Variants in PLA2G4E observed in about 807,000 individuals in gnomAD.
PLA2G4E encodes phospholipase A2 group IVE, also known as cytosolic phospholipase A2 epsilon.
A neutral mutation model predicts 109.1 loss-of-function variants in PLA2G4E; 84 were observed. The ratio of observed to expected loss-of-function variants is 0.77; its 90% confidence interval spans 0.65 to 0.92. The LOEUF is 0.92. PLA2G4E is among the 40% of genes least tolerant of loss of function. PLA2G4E has a pLI of 0.00. For synonymous variants in PLA2G4E, 469 were observed against 436.1 expected, an observed-to-expected ratio of 1.08 and a Z score of -0.94; for missense variants, 1,057 against 1,076.6, an observed-to-expected ratio of 0.98 and a Z score of 0.25.
chr15:41,983,408 C>G, exon 20 of PLA2G4E: 2 of 284,638 alleles, frequency 7.0e-6, no homozygotes, highest in Non-Finnish European at 1.3e-5. Flanking sequence ...GGGCTGCCAG[C>G]CCTGGGCTCT....
Position 42,040,163 on chromosome 15 carries a change from C to T in PLA2G4E, c.183+10358G>A, listed in dbSNP as rs141684881. On this transcript the variant is annotated intron_variant, in intron 1 of 19. Transcript: ENST00000399518. ...CCAGTTTGGGTAACATAGTGAGACC[C>T]CCTCCATCATTCTACAAAACTTTAA... 1.7e-3 allele frequency among the ~76,000 whole-genome samples: 252 copies of T among 151,788 alleles called. 1 individual carries two copies. The highest frequency in any genetic ancestry group is 5.7e-3 in the African/African-American group (237 of 41,320).
At chr15:41,985,935 C>A in exon 18 of PLA2G4E, 1 of 1,606,932 alleles carries the variant, frequency 6.2e-7, no homozygotes, top group Non-Finnish European at 8.5e-7. Flanking sequence ...TGACAAAGAA[C>A]GCAGTGTCCA....
chr15:42,048,838 T>G (rs562616706), intron 1 of PLA2G4E, among the ~76,000 whole-genome samples: 1 of 152,372 alleles, frequency 6.6e-6, no homozygotes, highest in South Asian at 2.1e-4. Flanking sequence ...GCCCGTGCTC[T>G]TCACCACTTG....
intron 1 of PLA2G4E, among the ~76,000 whole-genome samples, chr15:42,031,959 G>C (rs2141071620): frequency 6.6e-6 from 1 of 152,292 alleles, no homozygotes; most frequent in East Asian, 1.9e-4. Flanking sequence ...TGGGTCATGG[G>C]GATGGATTTC....
intron 1 of PLA2G4E, among the ~76,000 whole-genome samples, chr15:42,029,375 C>A (rs1483801449): frequency 6.6e-6 from 1 of 152,226 alleles, no homozygotes; most frequent in Non-Finnish European, 1.5e-5. Context: ...GGATTACAAG[C>A]ATGAGCTACT....
chr15:42,023,741 A>C (rs1458099064), intron 1 of PLA2G4E, among the ~76,000 whole-genome samples: 1 of 152,036 alleles, frequency 6.6e-6, no homozygotes, highest in Non-Finnish European at 1.5e-5. Flanking sequence ...AAGGCCTCCT[A>C]TTTGGCCTCT....
chr15:42,028,519 G>A (rs866549992), intron 1 of PLA2G4E, among the ~76,000 whole-genome samples: 9 of 152,048 alleles, frequency 5.9e-5, no homozygotes, highest in African/African-American at 2.2e-4. Context: ...CAATTTTCCT[G>A]CCTCAGCCTT....
chr15:42,049,111 G>A (rs1194652080), intron 1 of PLA2G4E, among the ~76,000 whole-genome samples: 5 of 152,220 alleles, frequency 3.3e-5, no homozygotes, highest in Admixed American at 6.5e-5. Context: ...AAGGGGAGAA[G>A]CACCTGCTCA....
intron 3 of PLA2G4E, chr15:42,006,361 A>G (rs1044169684): frequency 2.0e-5 from 8 of 408,020 alleles, no homozygotes; most frequent in Admixed American, 7.7e-5. Context: ...CTTTCCTGCT[A>G]GAGAATTTTG....
At chr15:42,013,341 G>T (rs80087064) in intron 2 of PLA2G4E, among the ~76,000 whole-genome samples, 8 of 152,198 alleles carry the variant, frequency 5.3e-5, no homozygotes, top group African/African-American at 1.9e-4. Context: ...TGTGGGCAAA[G>T]CGGGTGCTCT....
At chr15:42,006,271 G>T in intron 3 of PLA2G4E, 150 bp from the exon 4 acceptor site, 1 of 948,042 alleles carries the variant, frequency 1.1e-6, no homozygotes, top group Non-Finnish European at 1.5e-6. Context: ...ACAGACATTT[G>T]TAGGGAAACG....
intron 1 of PLA2G4E, among the ~76,000 whole-genome samples, chr15:42,023,467 G>T (rs1431052827): frequency 6.6e-6 from 1 of 152,112 alleles, no homozygotes; most frequent in South Asian, 2.1e-4. Context: ...AGAAGGCAAG[G>T]ATGATTGATG....
At position 42,007,770 on chromosome 15, in the gene PLA2G4E, AC is replaced by A; in HGVS notation, c.351del (p.Glu117AspfsTer14). The stretch of plus-strand genomic sequence containing the variant: ...ATCTGGAAGTTGAAGCTTTCATTCC[AC>A]TCTGGATTTGGGCAGTTGGAGATGG... On this transcript the variant is annotated frameshift_variant, in exon 3 of 20. Coordinates refer to ENST00000399518, the Ensembl canonical transcript of PLA2G4E. LOFTEE classifies it high-confidence loss of function. 1 of 1,612,594 alleles carries A rather than the reference AC, an allele frequency of 6.2e-7. No individual in the cohort carries two copies. Among genetic ancestry groups the A allele is most frequent in the Non-Finnish European group, 8.5e-7 (1 of 1,179,348 alleles).
chr15:42,002,740 G>A, intron 5 of PLA2G4E, 44 bp from the exon 6 acceptor site: 2 of 1,515,076 alleles, frequency 1.3e-6, no homozygotes, highest in Non-Finnish European at 1.8e-6. Context: ...TAGCATTCTT[G>A]ACTGGTTTCT....
chr15:42,040,402 T>C (rs1470437823), intron 1 of PLA2G4E, among the ~76,000 whole-genome samples: 1 of 152,144 alleles, frequency 6.6e-6, no homozygotes, highest in Non-Finnish European at 1.5e-5. Context: ...TGGGGAAAAA[T>C]AAGCTGGTTC....
intron 2 of PLA2G4E, 88 bp from the exon 3 acceptor site, chr15:42,007,953 C>A: frequency 7.1e-7 from 1 of 1,414,030 alleles, no homozygotes; most frequent in Non-Finnish European, 9.7e-7. Context: ...TCTTCCAGAG[C>A]CAGGCCCCAT....
At chr15:42,015,326 C>T (rs945991651) in intron 1 of PLA2G4E, among the ~76,000 whole-genome samples, 14 of 152,210 alleles carry the variant, frequency 9.2e-5, no homozygotes, top group African/African-American at 3.4e-4. Flanking sequence ...TCCTTCCTGC[C>T]TACCGAGGGA....
rs376136268 is a variant in PLA2G4E, at chr15:41,983,843, T to G, written c.2518A>C (p.Asn840His). ...AGAGTGTCCTTATTATTCAGGATGT[T>G]ATACTCTGAGAGTTTCACCAGCTTG... Residue 840 changes from asparagine (N) to histidine (H), a missense_variant, in exon 20 of 20, where the codon AAC becomes CAC. Coordinates refer to ENST00000399518, the Ensembl canonical transcript of PLA2G4E. 6.2e-6 allele frequency: 10 copies of G among 1,612,592 alleles called. No homozygotes were observed. Among genetic ancestry groups the G allele is most frequent in the Non-Finnish European group, 8.5e-6 (10 of 1,179,352 alleles).
At position 42,010,145 on chromosome 15, in the gene PLA2G4E, G is replaced by A. The variant is rs201135064; in HGVS notation, c.257-2280C>T. ...TCCAGAACACTGGCCCCCCCACCCC[G>A]GGCCTGGACCACACCCTTCAGGTCT... On this transcript the variant is annotated intron_variant, in intron 2 of 19. Coordinates refer to ENST00000399518, the Ensembl canonical transcript of PLA2G4E. 281 of 330,382 alleles carry A rather than the reference G, an allele frequency of 8.5e-4. 5 individuals are homozygous for A. The highest frequency in any genetic ancestry group is 1.5e-3 in the Non-Finnish European group (256 of 168,552). 20.5% of individuals were successfully genotyped at this position (330,382 alleles called of 1,614,324 possible). A position where few individuals can be genotyped will look rare whatever the true frequency, so the allele number is the denominator to read the frequency against.
Sources: allele counts gnomAD v4.1 joint callset (sites outside exome capture counted in the v4.1 genomes callset), GRCh38; gene constraint gnomAD v4.1.1; transcripts MANE v1.5; gene names NCBI Gene and HGNC (gene_info 2026-07-23, HGNC 2026-07-21).